RBFOX1: variants seen among roughly 807,000 people sequenced by gnomAD.
RBFOX1 encodes RNA binding fox-1 homolog 1.
RBFOX1 carries 8 observed loss-of-function variants against 57.7 expected under a neutral mutation model. The ratio of observed to expected loss-of-function variants is 0.14; its 90% CI spans 0.08 to 0.25. The LOEUF (loss-of-function observed/expected upper bound fraction) is 0.25, where lower values mean the gene tolerates loss of function less well. Ranked by LOEUF, RBFOX1 falls within the 10% of genes least tolerant of loss-of-function variation. The pLI is 1.00. For synonymous variants in RBFOX1, 326 were observed against 222.4 expected (o/e 1.47, Z -4.15); for missense variants, 611 against 548.5 (o/e 1.11, Z -1.14).
At chr16:6,655,486 G>C (rs1273590881) in intron 3 of RBFOX1, among the ~76,000 whole-genome samples, 1 of 151,174 alleles carries the variant, frequency 6.6e-6, no homozygotes, top group African/African-American at 2.4e-5. Flanking sequence ...GGGGGTAGGG[G>C]GCAATGCCAT....
intron 4 of RBFOX1, among the ~76,000 whole-genome samples, chr16:5,887,857 A>G (rs2057939469): frequency 6.6e-6 from 1 of 152,114 alleles, no homozygotes; most frequent in African/African-American, 2.4e-5. Flanking sequence ...TTTTTTGCAT[A>G]CCTGCTGAGT....
At chr16:6,154,979 G>A (rs1050480292) in intron 1 of RBFOX1, among the ~76,000 whole-genome samples, 1 of 152,062 alleles carries the variant, frequency 6.6e-6, no homozygotes, top group African/African-American at 2.4e-5. Context: ...TTGTTTTACT[G>A]AATATTCTCA....
intron 3 of RBFOX1, among the ~76,000 whole-genome samples, chr16:6,689,803 C>T (rs527339350): frequency 7.2e-5 from 11 of 152,272 alleles, no homozygotes; most frequent in South Asian, 4.2e-4. Context: ...GGGAGAGACT[C>T]AATGCACAGA....
intron 3 of RBFOX1, among the ~76,000 whole-genome samples, chr16:5,703,414 G>C (rs1489919124): frequency 6.6e-6 from 1 of 152,176 alleles, no homozygotes; most frequent in African/African-American, 2.4e-5. Context: ...CTGGAGGGTC[G>C]GCAGGTGGGT....
chr16:6,141,648 T>C (rs1333317792), intron 1 of RBFOX1, among the ~76,000 whole-genome samples: 2 of 152,198 alleles, frequency 1.3e-5, no homozygotes, highest in Non-Finnish European at 1.5e-5. Context: ...TTCTTCCAAA[T>C]TCCAAAATAT....
At chr16:6,212,951 A>G (rs1193426031) in intron 1 of RBFOX1, among the ~76,000 whole-genome samples, 1 of 152,198 alleles carries the variant, frequency 6.6e-6, no homozygotes, top group Non-Finnish European at 1.5e-5. Flanking sequence ...AAAGAGGCAG[A>G]CCTGAACGGC....
chr16:7,304,622 T>C (rs1231330192), intron 4 of RBFOX1: 1 of 976,358 alleles, frequency 1.0e-6, no homozygotes, highest in Non-Finnish European at 1.2e-6. Flanking sequence ...AAAGGGTGGA[T>C]GGAAGCCTCC....
intron 3 of RBFOX1, among the ~76,000 whole-genome samples, chr16:6,824,984 T>TTTTTTG (rs1491289991): frequency 6.8e-5 from 2 of 29,308 alleles, no homozygotes; most frequent in Non-Finnish European, 1.0e-4. Flanking sequence ...TCTTTCTTGG[T>TTTTTTG]TTTTTTTTTT....
chr16:6,636,464 C>G (rs1227689347), intron 2 of RBFOX1, among the ~76,000 whole-genome samples: 1 of 151,992 alleles, frequency 6.6e-6, no homozygotes, highest in Non-Finnish European at 1.5e-5. Context: ...GCCACCGCAC[C>G]CGGCTGGATT....
chr16:5,686,165 A>G (rs1474658256), intron 3 of RBFOX1, among the ~76,000 whole-genome samples: 1 of 152,158 alleles, frequency 6.6e-6, no homozygotes. Context: ...TCAATGTACC[A>G]AGCAACATGG....
At chr16:7,278,304 A>G (rs545627046) in intron 4 of RBFOX1, among the ~76,000 whole-genome samples, 1 of 152,230 alleles carries the variant, frequency 6.6e-6, no homozygotes, top group African/African-American at 2.4e-5. Context: ...CGTAATGCTT[A>G]AAGAGAGATC....
Position 6,459,501 on chromosome 16 carries a change from A to T in RBFOX1, c.-64+142444A>T, listed in dbSNP as rs532760521. Reference sequence around the variant, plus strand: ...ATTTGAAATGGAAGACACCTAAGAAAGAAAATCGCTTTAGAGCTGATCAGT... The same window carrying T: ...ATTTGAAATGGAAGACACCTAAGAATGAAAATCGCTTTAGAGCTGATCAGT... On this transcript the variant is annotated intron_variant, in intron 2 of 15. Transcript: ENST00000550418. Among the ~76,000 whole-genome samples, 3 of 152,352 alleles carry T rather than the reference A, an allele frequency of 2.0e-5. No individual in the cohort carries two copies. In the East Asian group the frequency reaches 5.8e-4, roughly 29 times the overall value.
intron 3 of RBFOX1, among the ~76,000 whole-genome samples, chr16:6,939,383 A>ATG (rs139095238): frequency 0.099 from 14,838 of 149,380 alleles, 2,010 homozygotes; most frequent in African/African-American, 0.31. Context: ...ATATATGTGT[A>ATG]TGTGTGTGTG....
chr16:7,168,143 C>G (rs2079948143), intron 4 of RBFOX1, among the ~76,000 whole-genome samples: 1 of 152,152 alleles, frequency 6.6e-6, no homozygotes, highest in Non-Finnish European at 1.5e-5. Context: ...TTGAATCAGT[C>G]AGCATTAAAG....
At chr16:5,591,089 GT>G (rs1400961060) in intron 2 of RBFOX1, among the ~76,000 whole-genome samples, 1 of 151,150 alleles carries the variant, frequency 6.6e-6, no homozygotes, top group Non-Finnish European at 1.5e-5. Flanking sequence ...GTTGTCATGT[GT>G]TTTTCCCTTA....
In RBFOX1 at chr16:6,236,919, C is replaced by T. The variant is rs2152918751; in HGVS notation, c.-126-80076C>T. 2.6e-5 allele frequency among the ~76,000 whole-genome samples: 4 copies of T among 152,280 alleles called. No homozygotes were observed. The Middle Eastern group carries it at 0.01, about 388-fold the overall frequency. On this transcript the variant is annotated intron_variant, in intron 1 of 15. Coordinates refer to ENST00000550418, the MANE Select transcript of RBFOX1 (RefSeq NM_018723.4). ...ATATGCCCAAGGTCACACAGTGGCACATTGTACCATGGAGATTACAACTCA... is the reference window on the plus strand; with the variant it reads ...ATATGCCCAAGGTCACACAGTGGCATATTGTACCATGGAGATTACAACTCA...
intron 3 of RBFOX1, among the ~76,000 whole-genome samples, chr16:6,664,522 C>T (rs900748395): frequency 1.3e-5 from 2 of 152,162 alleles, no homozygotes; most frequent in Non-Finnish European, 2.9e-5. Flanking sequence ...GATACATATA[C>T]CACAAGTAGA....
intron 4 of RBFOX1, among the ~76,000 whole-genome samples, chr16:7,390,390 C>G (rs563263602): frequency 6.6e-6 from 1 of 152,278 alleles, no homozygotes; most frequent in Admixed American, 6.5e-5. Flanking sequence ...ATGTTCTTAA[C>G]TATGAGATTT....
chr16:6,444,596 G>A (rs1021191752), intron 2 of RBFOX1, among the ~76,000 whole-genome samples: 1 of 152,060 alleles, frequency 6.6e-6, no homozygotes, highest in Non-Finnish European at 1.5e-5. Context: ...TGATTGTGAG[G>A]CCTCCCCAGC....
Sources: gnomAD v4.1 joint callset for allele counts (sites outside exome capture counted in the v4.1 genomes callset) on GRCh38, gnomAD v4.1.1 for gene constraint, MANE v1.5 for transcripts, NCBI Gene and HGNC (gene_info 2026-07-23, HGNC 2026-07-21) for gene names.